Variants in CHN2 observed in about 807,000 individuals in gnomAD.
The protein encoded by CHN2 is beta-chimaerin.
CHN2 carries 35 observed loss-of-function variants against 56.3 expected under a neutral mutation model. That is an observed-to-expected ratio of 0.62 (90% CI 0.47 to 0.82). The LOEUF is 0.82. CHN2 is among the 40% of genes least tolerant of loss of function. The pLI is 0.00. For missense variants in CHN2, 491 were observed against 580.5 expected, an observed-to-expected ratio of 0.85 and a Z score of 1.58; for synonymous variants, 210 against 212.8, an observed-to-expected ratio of 0.99 and a Z score of 0.12.
At chr7:29,488,452 G>A (rs1321320328) in intron 7 of CHN2, among the ~76,000 whole-genome samples, 1 of 152,174 alleles carries the variant, frequency 6.6e-6, no homozygotes, top group African/African-American at 2.4e-5. Context: ...GCAAACACTA[G>A]ACTAGACCTC....
chr7:29,285,071 C>T (rs777602367), intron 1 of CHN2, among the ~76,000 whole-genome samples: 1 of 152,158 alleles, frequency 6.6e-6, no homozygotes, highest in Non-Finnish European at 1.5e-5. Context: ...GTGTGTGAGC[C>T]GCTTCTGTTC....
At chr7:29,306,471 C>T (rs1794175268) in intron 1 of CHN2, among the ~76,000 whole-genome samples, 1 of 152,142 alleles carries the variant, frequency 6.6e-6, no homozygotes, top group African/African-American at 2.4e-5. Flanking sequence ...GGCAAAATTC[C>T]TTTGTGAGGT....
At chr7:29,252,574 CTTTGTTTTTTTTT>C (rs1554378070) in intron 1 of CHN2, among the ~76,000 whole-genome samples, 1 of 19,284 alleles carries the variant, frequency 5.2e-5, no homozygotes, top group East Asian at 1.4e-3. Flanking sequence ...AAATTGCATT[CTTTGTTTTTTTTT>C]TTTTTTTTTT....
intron 1 of CHN2, among the ~76,000 whole-genome samples, chr7:29,308,235 C>G (rs765716705): frequency 7.2e-5 from 11 of 152,320 alleles, no homozygotes; most frequent in Non-Finnish European, 1.5e-4. Context: ...TCTTTCCATT[C>G]CTCAGACTTC....
At chr7:29,309,886 C>T (rs1238609577) in intron 1 of CHN2, among the ~76,000 whole-genome samples, 2 of 152,104 alleles carry the variant, frequency 1.3e-5, no homozygotes. Flanking sequence ...TACATGGATC[C>T]AGGTTGTCTA....
At chr7:29,180,716 A>G (rs940364799) in intron 2 of CHN2, among the ~76,000 whole-genome samples, 1 of 152,208 alleles carries the variant, frequency 6.6e-6, no homozygotes, top group African/African-American at 2.4e-5. Context: ...ACACTAACAC[A>G]CTAATTAAGG....
At chr7:29,287,817 A>G (rs1314356206) in intron 1 of CHN2, among the ~76,000 whole-genome samples, 1 of 152,220 alleles carries the variant, frequency 6.6e-6, no homozygotes, top group Non-Finnish European at 1.5e-5. Context: ...CCAAACTTAG[A>G]TATTCCTTTC....
intron 1 of CHN2, among the ~76,000 whole-genome samples, chr7:29,342,301 AG>A (rs1231308736): frequency 6.6e-6 from 1 of 152,228 alleles, no homozygotes; most frequent in Non-Finnish European, 1.5e-5. Flanking sequence ...AATGTATGGA[AG>A]GGGACTATCC....
At chr7:29,450,609 C>T (rs918450616) in intron 6 of CHN2, among the ~76,000 whole-genome samples, 5 of 152,144 alleles carry the variant, frequency 3.3e-5, no homozygotes, top group African/African-American at 7.2e-5. Flanking sequence ...GCACAGCCCT[C>T]GATTGCAGCC....
At chr7:29,344,167 CCA>C (rs1797253022) in intron 1 of CHN2, among the ~76,000 whole-genome samples, 1 of 152,182 alleles carries the variant, frequency 6.6e-6, no homozygotes, top group South Asian at 2.1e-4. Flanking sequence ...GTCTCCACTG[CCA>C]CCATTCAAGT....
rs940632005 is a variant in CHN2 at position 29,249,596 on chromosome 7, C to T, written c.49+54606C>T. Among the ~76,000 whole-genome samples the T allele has an allele frequency of 6.6e-5, 10 of 152,208 alleles. No individual in the cohort carries two copies. In the East Asian group the frequency reaches 7.7e-4, roughly 12 times the overall value. ...AAGTTGACACCTAACCGTCACAACC[C>T]GCTAGGTTGTCCTGCGGCCTTTCTG... On this transcript the variant is annotated intron_variant, in intron 1 of 12. Coordinates refer to ENST00000222792, the MANE Select transcript of CHN2 (RefSeq NM_004067.4).
In CHN2 at chr7:29,482,452, T is replaced by C. The variant is rs1021296156; in HGVS notation, c.654+2096T>C. 4.6e-5 allele frequency among the ~76,000 whole-genome samples: 7 copies of C among 152,250 alleles called. No homozygotes were observed. In the East Asian group the frequency reaches 5.8e-4, roughly 13 times the overall value. ...CGCAACTAACTCTAGGTGGAAACTT[T>C]ACATGGTTTTTGGAAGAACATTCAA... On this transcript the variant is annotated intron_variant, in intron 7 of 12. Transcript: ENST00000222792.
chr7:29,353,344 T>A (rs1798026991), intron 1 of CHN2, among the ~76,000 whole-genome samples: 1 of 152,366 alleles, frequency 6.6e-6, no homozygotes, highest in South Asian at 2.1e-4. Context: ...ACCACCTTTC[T>A]TCGTGAATGA....
At chr7:29,471,729 T>A (rs752510600) in intron 6 of CHN2, among the ~76,000 whole-genome samples, 8 of 152,066 alleles carry the variant, frequency 5.3e-5, no homozygotes, top group Non-Finnish European at 1.2e-4. Flanking sequence ...TTGTCTCAGA[T>A]CAGAAGGCAG....
chr7:29,325,848 A>G (rs10951216), intron 1 of CHN2, among the ~76,000 whole-genome samples: 46,637 of 152,078 alleles, frequency 0.31, 7,880 homozygotes, highest in East Asian at 0.55. Context: ...GTTTGCAGGA[A>G]CTGAAGTAAG....
chr7:29,462,697 G>T (rs1388698636), intron 6 of CHN2, among the ~76,000 whole-genome samples: 3 of 152,138 alleles, frequency 2.0e-5, no homozygotes, highest in African/African-American at 7.2e-5. Context: ...CAGTGGACAA[G>T]GAAGAAGCTT....
At chr7:29,431,150 G>A (rs564875533) in intron 6 of CHN2, among the ~76,000 whole-genome samples, 10 of 152,106 alleles carry the variant, frequency 6.6e-5, no homozygotes, top group Non-Finnish European at 1.3e-4. Context: ...CAATTAAAAC[G>A]CTTACATTTA....
chr7:29,321,600 C>T (rs10234243), intron 1 of CHN2, among the ~76,000 whole-genome samples: 4,869 of 120,982 alleles, frequency 0.04, 268 homozygotes, highest in African/African-American at 0.13. Context: ...GATGGAATTT[C>T]GCTCTTCTTG....
chr7:29,264,006 C>T (rs1324555804), intron 1 of CHN2, among the ~76,000 whole-genome samples: 3 of 150,000 alleles, frequency 2.0e-5, no homozygotes, highest in East Asian at 2.0e-4. Context: ...CCGCCCCATC[C>T]GGGAGCTGGG....
Sources: allele counts gnomAD v4.1 joint callset (sites outside exome capture counted in the v4.1 genomes callset), GRCh38; gene constraint gnomAD v4.1.1; transcripts MANE v1.5; gene names NCBI Gene and HGNC (gene_info 2026-07-23, HGNC 2026-07-21).